SPIRE1: variants seen among roughly 807,000 people sequenced by gnomAD.
The protein encoded by SPIRE1 is protein spire homolog 1.
SPIRE1 carries 40 observed loss-of-function variants against 94.1 expected under a neutral mutation model. The observed-to-expected ratio is 0.43, with a 90% confidence interval of 0.33 to 0.55. The LOEUF is 0.55. Ranked by LOEUF, SPIRE1 falls within the 20% of genes least tolerant of loss-of-function variation. The probability of loss-of-function intolerance (pLI) is 0.06; values close to 1 mark genes in which losing one functional copy is unlikely to be tolerated. For synonymous variants in SPIRE1, 376 were observed against 371.7 expected (o/e 1.01, Z -0.13); for missense variants, 838 against 975.2 (o/e 0.86, Z 1.87).
intron 2 of SPIRE1, among the ~76,000 whole-genome samples, chr18:12,608,947 G>A (rs559249619): frequency 3.9e-5 from 6 of 152,248 alleles, no homozygotes; most frequent in South Asian, 2.1e-4. Context: ...ACGGTTACAC[G>A]GAAGACAATT....
At position 12,627,502 on chromosome 18, in the gene SPIRE1, T is replaced by C. The variant is rs192362343; in HGVS notation, c.372+7560A>G. On this transcript the variant is annotated intron_variant, in intron 2 of 16. Transcript: ENST00000409402. ...TTGGTTCCAAGCCTGCTATTGTGAA[T>C]AGTGCCACAGTAAACATATGTGTGC... is the stretch of plus-strand genomic sequence containing the variant. 2.5e-3 allele frequency among the ~76,000 whole-genome samples: 376 copies of C among 152,316 alleles called. 3 individuals carry two copies. The highest frequency in any genetic ancestry group is 8.7e-3 in the African/African-American group (363 of 41,578).
At chr18:12,525,880 A>G (rs531340861) in intron 4 of SPIRE1, among the ~76,000 whole-genome samples, 62 of 152,178 alleles carry the variant, frequency 4.1e-4, no homozygotes, top group African/African-American at 1.2e-3. Flanking sequence ...GATGCAGTTC[A>G]TCTTCTTTGC....
rs1237632679 is a variant in SPIRE1, at chr18:12,579,186, TACACACACACACATACAC to T, written c.373-32300_373-32283del. On this transcript the variant is annotated intron_variant, in intron 2 of 16. Coordinates refer to ENST00000409402, the MANE Select transcript of SPIRE1 (RefSeq NM_001128626.2). The stretch of plus-strand genomic sequence containing the variant: ...AATTTTCCACTGAGAGGAAAAAGTT[TACACACACACACATACAC>T]ACACACACACACACACACACACACA... 6.8e-3 allele frequency among the ~76,000 whole-genome samples: 734 copies of T among 108,578 alleles called. 7 individuals are homozygous for T. The highest frequency in any genetic ancestry group is 0.023 in the African/African-American group (688 of 29,892). The allele number at this position is 108,578 out of a possible 152,430, so 71.2% of individuals were successfully genotyped here. A position where few individuals can be genotyped will look rare whatever the true frequency, so the allele number is the denominator to read the frequency against.
chr18:12,644,918 G>A (rs1433405653), intron 1 of SPIRE1, among the ~76,000 whole-genome samples: 3 of 152,058 alleles, frequency 2.0e-5, no homozygotes, highest in African/African-American at 7.2e-5. Flanking sequence ...AGAAGGGCTG[G>A]ACAAATATTA....
intron 2 of SPIRE1, among the ~76,000 whole-genome samples, chr18:12,562,961 A>C (rs918480900): frequency 6.6e-6 from 1 of 152,182 alleles, no homozygotes; most frequent in Admixed American, 6.5e-5. Context: ...AGATGCAATT[A>C]ATTTTAGAGT....
intron 2 of SPIRE1, among the ~76,000 whole-genome samples, chr18:12,615,542 C>CAAAAAAAAAAAAAAAAAAAA (rs71174108): frequency 6.9e-4 from 52 of 75,708 alleles, no homozygotes; most frequent in Middle Eastern, 9.1e-3. Context: ...TCTATCTCCA[C>CAAAAAAAAAAAAAAAAAAAA]AAAAAAAAAA....
intron 2 of SPIRE1, among the ~76,000 whole-genome samples, chr18:12,567,049 G>T (rs2144434595): frequency 6.6e-6 from 1 of 152,244 alleles, no homozygotes; most frequent in South Asian, 2.1e-4. Context: ...GTTCGCAGAT[G>T]ACATGATCAT....
chr18:12,540,003 G>A (rs964206731), intron 3 of SPIRE1, among the ~76,000 whole-genome samples: 4 of 151,928 alleles, frequency 2.6e-5, no homozygotes, highest in African/African-American at 9.7e-5. Context: ...CAGTGGTGGG[G>A]AGGGGCAATA....
chr18:12,459,843 TGAGAG>T (rs2031697938), intron 12 of SPIRE1: 1 of 985,668 alleles, frequency 1.0e-6, no homozygotes, highest in Non-Finnish European at 1.2e-6. Flanking sequence ...TTCAAAAGGA[TGAGAG>T]CTGAGCAGAG....
chr18:12,520,439 T>C (rs948453978), intron 4 of SPIRE1, among the ~76,000 whole-genome samples: 11 of 152,212 alleles, frequency 7.2e-5, no homozygotes, highest in South Asian at 6.2e-4. Flanking sequence ...TTCAGTAAAA[T>C]ATTCTTGTGA....
At chr18:12,614,004 A>G (rs2037215379) in intron 2 of SPIRE1, among the ~76,000 whole-genome samples, 1 of 152,236 alleles carries the variant, frequency 6.6e-6, no homozygotes, top group South Asian at 2.1e-4. Flanking sequence ...CACACACTGC[A>G]ATCCCAACAC....
intron 12 of SPIRE1, among the ~76,000 whole-genome samples, chr18:12,457,831 T>G (rs1382167221): frequency 6.7e-6 from 1 of 149,514 alleles, no homozygotes; most frequent in Non-Finnish European, 1.5e-5. Flanking sequence ...AATAGTCACC[T>G]TTCTTTTCTT....
chr18:12,587,114 T>C (rs2036409877), intron 2 of SPIRE1, among the ~76,000 whole-genome samples: 3 of 152,172 alleles, frequency 2.0e-5, no homozygotes, highest in Admixed American at 2.0e-4. Flanking sequence ...CATGAAGAGG[T>C]TACATAATTT....
chr18:12,517,881 T>G (rs966855458), intron 4 of SPIRE1, among the ~76,000 whole-genome samples: 10 of 152,258 alleles, frequency 6.6e-5, no homozygotes, highest in African/African-American at 2.2e-4. Flanking sequence ...GTATTTTTTA[T>G]GACAGCATTT....
chr18:12,655,884 A>C (rs1180417129), intron 1 of SPIRE1, among the ~76,000 whole-genome samples: 3 of 152,004 alleles, frequency 2.0e-5, no homozygotes, highest in Non-Finnish European at 4.4e-5. Context: ...AAATAGCTAA[A>C]TCCCAAGGCA....
chr18:12,575,429 G>A (rs2036070071), intron 2 of SPIRE1, among the ~76,000 whole-genome samples: 1 of 152,154 alleles, frequency 6.6e-6, no homozygotes, highest in African/African-American at 2.4e-5. Flanking sequence ...GCAGTAGCAT[G>A]ATCATAGCTC....
chr18:12,482,040 G>A (rs1398323569), intron 9 of SPIRE1, among the ~76,000 whole-genome samples: 1 of 152,092 alleles, frequency 6.6e-6, no homozygotes, highest in Non-Finnish European at 1.5e-5. Flanking sequence ...AACACAACCA[G>A]CTTCTCATGC....
intron 10 of SPIRE1, among the ~76,000 whole-genome samples, chr18:12,471,512 TGG>T (rs1329341572): frequency 6.6e-6 from 1 of 151,940 alleles, no homozygotes; most frequent in Non-Finnish European, 1.5e-5. Flanking sequence ...TTAGTACAGA[TGG>T]GGTTTCACTA....
chr18:12,544,261 G>T (rs2035091964), intron 3 of SPIRE1, among the ~76,000 whole-genome samples: 1 of 149,862 alleles, frequency 6.7e-6, no homozygotes, highest in African/African-American at 2.5e-5. Flanking sequence ...GTGCAGTGGT[G>T]TGCTCTCAGC....
Sources: gnomAD v4.1 joint callset for allele counts (sites outside exome capture counted in the v4.1 genomes callset) on GRCh38, gnomAD v4.1.1 for gene constraint, MANE v1.5 for transcripts, NCBI Gene and HGNC (gene_info 2026-07-23, HGNC 2026-07-21) for gene names.